ADAMTS18: variants seen among roughly 807,000 people sequenced by gnomAD.
ADAMTS18 encodes the protein A disintegrin and metalloproteinase with thrombospondin motifs 18.
A neutral mutation model predicts 165.9 loss-of-function variants in ADAMTS18; 157 were observed. That is an observed-to-expected ratio of 0.95 (90% CI 0.83 to 1.08). ADAMTS18 has a LOEUF of 1.08. ADAMTS18 is among the 50% of genes least tolerant of loss of function. The pLI is 0.00. For missense variants in ADAMTS18, 2,040 were observed against 1,534.0 expected, an observed-to-expected ratio of 1.33 and a Z score of -5.51; for synonymous variants, 782 against 578.2, an observed-to-expected ratio of 1.35 and a Z score of -5.06.
chr16:77,325,228 T>A (rs140185698), intron 13 of ADAMTS18, among the ~76,000 whole-genome samples: 1 of 152,154 alleles, frequency 6.6e-6, no homozygotes, highest in African/African-American at 2.4e-5. Flanking sequence ...ATGAAACAAC[T>A]AGGATGATGA....
In ADAMTS18 at chr16:77,302,792, G is replaced by C. The variant is rs74025788; in HGVS notation, c.2533-2388C>G. Among the ~76,000 whole-genome samples, 1,439 of 152,274 alleles carry C rather than the reference G, an allele frequency of 9.5e-3. 32 individuals are homozygous for C. Among genetic ancestry groups the C allele is most frequent in the African/African-American group, 0.034 (1,399 of 41,534 alleles). ...ATATTCCCCTTTCACCTTTTAGACA[G>C]ATTCTAGAGCCTAAGCCATACATGG... On this transcript the variant is annotated intron_variant, in intron 16 of 22. Coordinates refer to ENST00000282849, the MANE Select transcript of ADAMTS18 (RefSeq NM_199355.4).
At chr16:77,318,938 C>G (rs932024207) in intron 16 of ADAMTS18, among the ~76,000 whole-genome samples, 3 of 152,048 alleles carry the variant, frequency 2.0e-5, no homozygotes, top group African/African-American at 7.2e-5. Flanking sequence ...ACAGTCAGCC[C>G]CATTTTACAA....
At chr16:77,323,256 T>C (rs1465545847) in intron 13 of ADAMTS18, among the ~76,000 whole-genome samples, 1 of 152,198 alleles carries the variant, frequency 6.6e-6, no homozygotes, top group African/African-American at 2.4e-5. Flanking sequence ...CTGTGGGTGA[T>C]ATTGAGCGAT....
At position 77,364,375 on chromosome 16, in the gene ADAMTS18, G is replaced by C. The variant is rs761801507; in HGVS notation, c.785C>G (p.Pro262Arg). 2 of 1,613,558 alleles carry C rather than the reference G, an allele frequency of 1.2e-6. No individual in the cohort carries two copies. Among genetic ancestry groups the C allele is most frequent in the Non-Finnish European group, 1.7e-6 (2 of 1,179,932 alleles). ...HFCGRRKKYA[P>R]KPPTEDTYLR... ...ATAGGTGTCCTCTGTGGGAGGCTTGGGAGCATCTACGATGAACAGAAGAGC... is the reference window on the plus strand; with the variant it reads ...ATAGGTGTCCTCTGTGGGAGGCTTGCGAGCATCTACGATGAACAGAAGAGC... Residue 262 changes from proline (P) to arginine (R), a missense_variant, in exon 5 of 23, where the codon CCC (proline) becomes CGC (arginine). Physicochemically the swap from Pro to Arg is moderately radical, Grantham distance 103. Coordinates refer to ENST00000282849, the MANE Select transcript of ADAMTS18 (RefSeq NM_199355.4).
At chr16:77,335,611 T>C (rs1054897635) in intron 12 of ADAMTS18, 145 bp downstream of exon 12, 1 of 987,144 alleles carries the variant, frequency 1.0e-6, no homozygotes, top group Non-Finnish European at 1.6e-6. Context: ...ACACATCACA[T>C]GTACCCCATA....
chr16:77,385,669 T>C (rs1340955524), intron 3 of ADAMTS18, among the ~76,000 whole-genome samples: 1 of 152,106 alleles, frequency 6.6e-6, no homozygotes, highest in Non-Finnish European at 1.5e-5. Flanking sequence ...TGTTAAGAGA[T>C]GTGATTAAGT....
intron 3 of ADAMTS18, among the ~76,000 whole-genome samples, chr16:77,411,881 G>A (rs953818765): frequency 2.0e-5 from 3 of 151,532 alleles, no homozygotes; most frequent in South Asian, 4.2e-4. Flanking sequence ...TAGAGACGGG[G>A]TTTCACCATG....
At chr16:77,362,982 G>A (rs574172653) in intron 6 of ADAMTS18, among the ~76,000 whole-genome samples, 1 of 152,284 alleles carries the variant, frequency 6.6e-6, no homozygotes, top group African/African-American at 2.4e-5. Flanking sequence ...TTGACAAGCT[G>A]TTAACTTCTG....
chr16:77,369,790 A>G (rs1022592948), intron 3 of ADAMTS18, among the ~76,000 whole-genome samples: 6 of 152,200 alleles, frequency 3.9e-5, no homozygotes, highest in African/African-American at 1.4e-4. Flanking sequence ...GAACAAAAAG[A>G]AATCTACGGG....
chr16:77,417,543 G>T (rs11640978), intron 3 of ADAMTS18, among the ~76,000 whole-genome samples: 1 of 152,128 alleles, frequency 6.6e-6, no homozygotes, highest in African/African-American at 2.4e-5. Context: ...TAAATGATTA[G>T]GTCAGCTGGT....
intron 3 of ADAMTS18, among the ~76,000 whole-genome samples, chr16:77,422,505 G>T (rs2057616195): frequency 6.6e-6 from 1 of 150,810 alleles, no homozygotes; most frequent in African/African-American, 2.4e-5. Context: ...AGGAAGAGAT[G>T]CAGGGAGATG....
chr16:77,326,593 G>A (rs1286985987), intron 12 of ADAMTS18, among the ~76,000 whole-genome samples: 1 of 152,104 alleles, frequency 6.6e-6, no homozygotes, highest in Non-Finnish European at 1.5e-5. Context: ...ATGTTGCCCA[G>A]GCCAGTCTCA....
chr16:77,288,824 T>C (rs2055305673), intron 22 of ADAMTS18, among the ~76,000 whole-genome samples: 1 of 152,104 alleles, frequency 6.6e-6, no homozygotes, highest in African/African-American at 2.4e-5. Context: ...ACAAGATCAC[T>C]AGGATAGGCT....
intron 10 of ADAMTS18, among the ~76,000 whole-genome samples, chr16:77,346,791 C>T (rs570951991): frequency 1.1e-4 from 16 of 152,026 alleles, no homozygotes; most frequent in African/African-American, 3.4e-4. Context: ...AGAATTGCCC[C>T]GATGCCATTT....
intron 10 of ADAMTS18, among the ~76,000 whole-genome samples, chr16:77,343,060 T>G (rs2056422673): frequency 6.6e-6 from 1 of 150,604 alleles, no homozygotes; most frequent in South Asian, 2.1e-4. Flanking sequence ...TGCACTGATT[T>G]TAGACCTTAC....
chr16:77,289,168 G>A, intron 22 of ADAMTS18, 96 bp downstream of exon 22: 1 of 1,492,942 alleles, frequency 6.7e-7, no homozygotes, highest in East Asian at 2.3e-5. Context: ...TTACCCTAGA[G>A]TTGTACAATG....
intron 3 of ADAMTS18, among the ~76,000 whole-genome samples, chr16:77,391,498 A>G (rs10400944): frequency 0.029 from 4,370 of 152,012 alleles, 258 homozygotes; most frequent in African/African-American, 0.1. Flanking sequence ...TCTCAAAAAA[A>G]AAAAAAACAA....
intron 19 of ADAMTS18, among the ~76,000 whole-genome samples, chr16:77,293,655 C>T (rs866322756): frequency 2.0e-5 from 3 of 151,468 alleles, no homozygotes; most frequent in Non-Finnish European, 2.9e-5. Flanking sequence ...GCACCAGGGT[C>T]GGCTTTTGCA....
chr16:77,351,073 T>C (rs62043575), intron 10 of ADAMTS18, among the ~76,000 whole-genome samples: 43,235 of 152,006 alleles, frequency 0.28, 7,138 homozygotes, highest in East Asian at 0.63. Context: ...ATAAGAGATT[T>C]TGTTGCTTTG....
Sources: allele counts gnomAD v4.1 joint callset (sites outside exome capture counted in the v4.1 genomes callset), GRCh38; gene constraint gnomAD v4.1.1; transcripts MANE v1.5; gene names NCBI Gene and HGNC (gene_info 2026-07-23, HGNC 2026-07-21).